The following FABP4 variants were observed in gnomAD, a reference collection of about 807,000 sequenced individuals.
FABP4 encodes fatty acid-binding protein, adipocyte.
A neutral mutation model predicts 14.6 loss-of-function variants in FABP4; 17 were observed. That is an observed-to-expected ratio of 1.16 (90% CI 0.80 to 1.74). The LOEUF is 1.74. Ranked by LOEUF, FABP4 falls within the 40% of genes most tolerant of loss-of-function variation. The pLI, the probability that FABP4 is intolerant of heterozygous loss-of-function variation, is 0.00. For synonymous variants in FABP4, 54 were observed against 54.6 expected, an observed-to-expected ratio of 0.99 and a Z score of 0.05; for missense variants, 149 against 160.3, an observed-to-expected ratio of 0.93 and a Z score of 0.38.
At position 81,478,677 on chromosome 8, in the gene FABP4, C is replaced by T. The variant is rs1808008599; in HGVS notation, c.*188G>A. 1 of 500,770 alleles carries T rather than the reference C, an allele frequency of 2.0e-6. No homozygotes were observed. Among genetic ancestry groups the T allele is most frequent in the African/African-American group, 1.9e-5 (1 of 51,996 alleles). The allele number at this position is 500,770 out of a possible 1,614,324, so 31.0% of individuals were successfully genotyped here. ...TACATCATAAGCACAATGAATACAT[C>T]ATTACATCACCTTCTAAATCTAAAA... On this transcript the variant is annotated 3_prime_UTR_variant, in exon 4 of 4. Coordinates refer to ENST00000256104, the MANE Select transcript of FABP4 (RefSeq NM_001442.3).
chr8:81,480,707 A>G (rs1057074314), intron 1 of FABP4, 109 bp from the exon 2 acceptor site: 10 of 965,790 alleles, frequency 1.0e-5, no homozygotes, highest in Non-Finnish European at 1.3e-5. Flanking sequence ...GGAAAAAGGC[A>G]CAGAGAGTTT....
rs771926238 is a variant in FABP4, at chr8:81,478,928, A to G, written c.349-13T>C. 1.2e-6 allele frequency: 2 copies of G among 1,610,986 alleles called. No individual in the cohort carries two copies. Among genetic ancestry groups the G allele is most frequent in the South Asian group, 2.2e-5 (2 of 90,902 alleles). ...TCATGACGCATTCCTAGACACAAAA[A>G]ACAATTCTTGGTCAATCACTGGATT... is the stretch of plus-strand genomic sequence containing the variant. On this transcript the variant is annotated splice_polypyrimidine_tract_variant and intron_variant, in intron 3 of 3. Coordinates refer to ENST00000256104, the MANE Select transcript of FABP4 (RefSeq NM_001442.3).
At chr8:81,482,089 G>A (rs1168415944) in intron 1 of FABP4, among the ~76,000 whole-genome samples, 1 of 152,070 alleles carries the variant, frequency 6.6e-6, no homozygotes, top group Admixed American at 6.6e-5. Context: ...GTTTATTCTA[G>A]AAAGTCTCTC....
At position 81,480,540 on chromosome 8, in the gene FABP4, A is replaced by T. The variant is rs1384389280; in HGVS notation, c.132T>A (p.Ser44Arg). Residue 44 changes from serine to arginine, a missense_variant, in exon 2 of 4, where the codon AGT becomes AGA. By Grantham distance (110) the Ser-to-Arg change is moderately radical. Transcript: ENST00000256104. ...AGMAKPNMII[S>R]VNGDVITIKS... The stretch of plus-strand genomic sequence containing the variant: ...TAATGGTGATCACATCCCCATTCAC[A>T]CTGATGATCATGTTAGGTTTGGCCA... 1 of 1,613,572 alleles carries T rather than the reference A, an allele frequency of 6.2e-7. No homozygotes were observed. The highest frequency in any genetic ancestry group is 8.5e-7 in the Non-Finnish European group (1 of 1,179,752).
At chr8:81,481,924 A>C (rs564748810) in intron 1 of FABP4, among the ~76,000 whole-genome samples, 23 of 152,272 alleles carry the variant, frequency 1.5e-4, no homozygotes, top group Non-Finnish European at 2.6e-4. Flanking sequence ...TATTGACTTT[A>C]ATTATAATCA....
At chr8:81,480,924 G>C (rs977948057) in intron 1 of FABP4, among the ~76,000 whole-genome samples, 2 of 152,052 alleles carry the variant, frequency 1.3e-5, no homozygotes, top group Admixed American at 1.3e-4. Context: ...ATGTATAAAG[G>C]TTAAGTGGTT....
At chr8:81,480,184 G>A (rs1430003131) in intron 2 of FABP4, among the ~76,000 whole-genome samples, 1 of 152,150 alleles carries the variant, frequency 6.6e-6, no homozygotes, top group Non-Finnish European at 1.5e-5. Context: ...ACCGCAGCCT[G>A]TTTGACAGAG....
At position 81,478,925 on chromosome 8, in the gene FABP4, A is replaced by G. The variant is rs759214046; in HGVS notation, c.349-10T>C. ...CTTTCATGACGCATTCCTAGACACA[A>G]AAAACAATTCTTGGTCAATCACTGG... On this transcript the variant is annotated splice_polypyrimidine_tract_variant and intron_variant, in intron 3 of 3. Transcript: ENST00000256104. 5.6e-6 allele frequency: 9 copies of G among 1,611,480 alleles called. No homozygotes were observed. Among genetic ancestry groups the G allele is most frequent in the Non-Finnish European group, 7.6e-6 (9 of 1,178,378 alleles).
chr8:81,483,093 A>G lies in FABP4; in HGVS notation c.73+2T>C, dbSNP rs773445778. The G allele has an allele frequency of 1.9e-6, 3 of 1,605,134 alleles. No homozygotes were observed. Among genetic ancestry groups the G allele is most frequent in the Non-Finnish European group, 2.6e-6 (3 of 1,174,196 alleles). ...CAGTCATTCCACAACGCATTTCCTT[A>G]CCTACTTCTTTCATATAATCATCAA... On this transcript the variant is annotated splice_donor_variant, in intron 1 of 3. Transcript: ENST00000256104. LOFTEE classifies it high-confidence loss of function.
chr8:81,480,044 C>T (rs1002728692), intron 2 of FABP4: 1 of 164,254 alleles, frequency 6.1e-6, no homozygotes, highest in African/African-American at 2.4e-5. Flanking sequence ...TCTGTCTCTA[C>T]AAAAAAATTA....
rs16909187 is a variant in FABP4 at position 81,478,482 on chromosome 8, G to A, written c.*383C>T. The stretch of plus-strand genomic sequence containing the variant: ...ATACACCTACTTAACTGTAGCTATG[G>A]TAAAGAAGGATTTAATATTCAGTAA... On this transcript the variant is annotated 3_prime_UTR_variant, in exon 4 of 4. Transcript: ENST00000256104. The A allele has an allele frequency of 0.16, 25,696 of 161,970 alleles. 2,131 individuals carry two copies. The highest frequency in any genetic ancestry group is 0.18 in the South Asian group (989 of 5,480). The allele number at this position is 161,970 out of a possible 1,614,324, so 10.0% of individuals were successfully genotyped here. A position where few individuals can be genotyped will look rare whatever the true frequency, so the allele number is the denominator to read the frequency against.
chr8:81,480,710 G>A, intron 1 of FABP4, 112 bp from the exon 2 acceptor site: 1 of 898,344 alleles, frequency 1.1e-6, no homozygotes, highest in Non-Finnish European at 1.5e-6. Context: ...AAAAGGCACA[G>A]AGAGTTTCTT....
chr8:81,483,174 A>C lies in FABP4; in HGVS notation c.-7T>G. On this transcript the variant is annotated 5_prime_UTR_variant, in exon 1 of 4. Transcript: ENST00000256104. ...CTACAAAAGCATCACACATTTTGTG[A>C]GTTTTCTAGGATTATTCTTCAAGGT... 1.2e-6 allele frequency: 2 copies of C among 1,606,934 alleles called. No homozygotes were observed. The highest frequency in any genetic ancestry group is 1.7e-6 in the Non-Finnish European group (2 of 1,176,776).
At chr8:81,483,026 A>G in intron 1 of FABP4, 69 bp downstream of exon 1, 1 of 1,298,642 alleles carries the variant, frequency 7.7e-7, no homozygotes, top group Non-Finnish European at 1.1e-6. Context: ...TGCTATAAAC[A>G]CAGCTGTAAA....
At chr8:81,480,273 C>G (rs187545385) in intron 2 of FABP4, among the ~76,000 whole-genome samples, 153 bp downstream of exon 2, 18 of 152,260 alleles carry the variant, frequency 1.2e-4, no homozygotes, top group African/African-American at 4.1e-4. Context: ...TTCACCAACT[C>G]TATATCTAAG....
rs1320695949 is a variant in FABP4 at position 81,478,899 on chromosome 8, C to A, written c.365G>T (p.Gly122Val). Residue 122 changes from glycine to valine, a missense_variant, in exon 4 of 4, where the codon GGC (glycine) becomes GTC (valine). Physicochemically the swap from Gly to Val is moderately radical, Grantham distance 109. Coordinates refer to ENST00000256104, the MANE Select transcript of FABP4 (RefSeq NM_001442.3). Reference protein sequence around the residue: ...DKLVVECVMKGVTSTRVYERA With the variant: ...DKLVVECVMKVVTSTRVYERA ...CTCATAAACTCTCGTGGAAGTGACGCCTTTCATGACGCATTCCTAGACACA... is the reference window on the plus strand; with the variant it reads ...CTCATAAACTCTCGTGGAAGTGACGACTTTCATGACGCATTCCTAGACACA... 4 of 1,613,244 alleles carry A rather than the reference C, an allele frequency of 2.5e-6. No homozygotes were observed. Among genetic ancestry groups the A allele is most frequent in the East Asian group, 2.2e-5 (1 of 44,856 alleles).
rs1342877038 is a variant in FABP4 at position 81,478,652 on chromosome 8, T to C, written c.*213A>G. On this transcript the variant is annotated 3_prime_UTR_variant, in exon 4 of 4. Transcript: ENST00000256104. ...TCCTTCACTCAGTTATGACTAAGAA[T>C]ACATCATAAGCACAATGAATACATC... is the stretch of plus-strand genomic sequence containing the variant. The C allele has an allele frequency of 1.1e-5, 5 of 437,676 alleles. No homozygotes were observed. In the Admixed American group the frequency reaches 1.9e-4, roughly 17 times the overall value. The allele number at this position is 437,676 out of a possible 1,614,324, so 27.1% of individuals were successfully genotyped here. A position where few individuals can be genotyped will look rare whatever the true frequency, so the allele number is the denominator to read the frequency against.
At chr8:81,480,673 G>T in intron 1 of FABP4, 75 bp from the exon 2 acceptor site, 3 of 1,292,374 alleles carry the variant, frequency 2.3e-6, no homozygotes, top group Non-Finnish European at 3.1e-6. Flanking sequence ...GAATGTGTGT[G>T]TGCACACAGG....
At chr8:81,480,788 A>T (rs1305711404) in intron 1 of FABP4, among the ~76,000 whole-genome samples, 190 bp from the exon 2 acceptor site, 2 of 151,924 alleles carry the variant, frequency 1.3e-5, no homozygotes, top group East Asian at 3.9e-4. Flanking sequence ...AAAAAAAGAA[A>T]ACCCACAAAG....
Sources: allele counts gnomAD v4.1 joint callset (sites outside exome capture counted in the v4.1 genomes callset), GRCh38; gene constraint gnomAD v4.1.1; transcripts MANE v1.5; gene names NCBI Gene and HGNC (gene_info 2026-07-23, HGNC 2026-07-21).